Variants in FAM83B observed in about 807,000 individuals in gnomAD.
FAM83B encodes protein FAM83B.
A neutral mutation model predicts 38.8 loss-of-function variants in FAM83B; 26 were observed. The ratio of observed to expected loss-of-function variants is 0.67; its 90% CI spans 0.49 to 0.93. The LOEUF (loss-of-function observed/expected upper bound fraction) is 0.93, where lower values mean the gene tolerates loss of function less well. Among genes scored for constraint, FAM83B ranks in the 40% least tolerant of loss-of-function variants. The probability of loss-of-function intolerance (pLI) is 0.00; values close to 1 mark genes in which losing one functional copy is unlikely to be tolerated. For synonymous variants in FAM83B, 419 were observed against 423.1 expected, an observed-to-expected ratio of 0.99 and a Z score of 0.12; for missense variants, 1,237 against 1,197.3, an observed-to-expected ratio of 1.03 and a Z score of -0.49.
intron 2 of FAM83B, among the ~76,000 whole-genome samples, chr6:54,883,484 A>G (rs1292954570): frequency 6.6e-6 from 1 of 151,280 alleles, no homozygotes; most frequent in Non-Finnish European, 1.5e-5. Flanking sequence ...ACAGGCATGT[A>G]CCACCATGCC....
intron 4 of FAM83B, among the ~76,000 whole-genome samples, chr6:54,933,079 T>G (rs569198519): frequency 6.6e-6 from 1 of 152,212 alleles, no homozygotes; most frequent in African/African-American, 2.4e-5. Flanking sequence ...CTTCTCATAA[T>G]GCAATATTGA....
chr6:54,922,370 A>G (rs917410592), intron 2 of FAM83B, among the ~76,000 whole-genome samples: 12 of 152,050 alleles, frequency 7.9e-5, no homozygotes, highest in Non-Finnish European at 1.8e-4. Context: ...TGCACCAGAC[A>G]TATGTTTTTA....
At chr6:54,891,510 C>T (rs988913) in intron 2 of FAM83B, among the ~76,000 whole-genome samples, 58,786 of 152,002 alleles carry the variant, frequency 0.39, 12,372 homozygotes, top group East Asian at 0.86. Flanking sequence ...CTGCTTTCTA[C>T]CTTCATACTT....
At chr6:54,876,344 G>C (rs1332236631) in intron 2 of FAM83B, among the ~76,000 whole-genome samples, 7 of 122,214 alleles carry the variant, frequency 5.7e-5, no homozygotes. Flanking sequence ...TTTTTTTTGA[G>C]ACAGAGTTTT....
At chr6:54,925,199 C>A (rs1296842183) in intron 2 of FAM83B, among the ~76,000 whole-genome samples, 1 of 152,156 alleles carries the variant, frequency 6.6e-6, no homozygotes, top group East Asian at 1.9e-4. Context: ...CTCAGAGAGA[C>A]CTTCCCCGAA....
chr6:54,862,295 GCACAGTGGGTCA>G (rs1474802417), intron 1 of FAM83B, among the ~76,000 whole-genome samples: 1 of 152,204 alleles, frequency 6.6e-6, no homozygotes, highest in Non-Finnish European at 1.5e-5. Flanking sequence ...TCTGGGCTGA[GCACAGTGGGTCA>G]CAGGAGGAGG....
intron 1 of FAM83B, among the ~76,000 whole-genome samples, chr6:54,850,622 T>C (rs1771249294): frequency 6.6e-6 from 1 of 152,216 alleles, no homozygotes; most frequent in South Asian, 2.1e-4. Flanking sequence ...ATGTTTGGGC[T>C]GTCATTTATA....
intron 1 of FAM83B, among the ~76,000 whole-genome samples, chr6:54,863,875 G>A (rs1157565871): frequency 2.0e-5 from 3 of 152,090 alleles, no homozygotes; most frequent in Non-Finnish European, 2.9e-5. Context: ...TCATCCAAAT[G>A]ATTACTGATC....
intron 4 of FAM83B, among the ~76,000 whole-genome samples, chr6:54,930,021 T>C (rs1773386998): frequency 6.6e-6 from 1 of 152,132 alleles, no homozygotes; most frequent in Non-Finnish European, 1.5e-5. Flanking sequence ...GATTATGTTA[T>C]TCTTTTTTGA....
chr6:54,849,880 T>C (rs553988642), intron 1 of FAM83B, among the ~76,000 whole-genome samples: 1 of 152,136 alleles, frequency 6.6e-6, no homozygotes, highest in East Asian at 1.9e-4. Flanking sequence ...TAGAGTCAGG[T>C]GTAGTCTCCC....
intron 2 of FAM83B, among the ~76,000 whole-genome samples, chr6:54,917,789 A>T (rs949044085): frequency 1.3e-5 from 2 of 152,172 alleles, no homozygotes; most frequent in African/African-American, 4.8e-5. Context: ...AAGGTTTATT[A>T]CTTTTAATGC....
intron 1 of FAM83B, among the ~76,000 whole-genome samples, chr6:54,848,305 G>T (rs1771189984): frequency 6.6e-6 from 1 of 152,092 alleles, no homozygotes; most frequent in Non-Finnish European, 1.5e-5. Flanking sequence ...GGCACACGTG[G>T]GGTATACACC....
intron 2 of FAM83B, among the ~76,000 whole-genome samples, chr6:54,904,960 G>A (rs141515245): frequency 1.1e-4 from 17 of 152,158 alleles, no homozygotes; most frequent in Non-Finnish European, 2.4e-4. Flanking sequence ...GGAGATCAAC[G>A]ATCTGTAAAG....
At chr6:54,906,603 T>C (rs1223159611) in intron 2 of FAM83B, among the ~76,000 whole-genome samples, 1 of 152,130 alleles carries the variant, frequency 6.6e-6, no homozygotes, top group East Asian at 1.9e-4. Flanking sequence ...CAGGCTGGTC[T>C]TTCATTCCTG....
At chr6:54,883,486 C>T (rs1408436246) in intron 2 of FAM83B, among the ~76,000 whole-genome samples, 5 of 151,680 alleles carry the variant, frequency 3.3e-5, no homozygotes, top group African/African-American at 7.3e-5. Flanking sequence ...AGGCATGTAC[C>T]ACCATGCCTG....
intron 2 of FAM83B, among the ~76,000 whole-genome samples, chr6:54,880,284 G>A (rs1359402999): frequency 1.3e-5 from 2 of 152,030 alleles, no homozygotes; most frequent in Non-Finnish European, 2.9e-5. Flanking sequence ...TATGGGATCT[G>A]GATTTTTTTC....
intron 1 of FAM83B, among the ~76,000 whole-genome samples, chr6:54,850,342 C>A (rs1184347561): frequency 6.6e-6 from 1 of 152,130 alleles, no homozygotes; most frequent in Non-Finnish European, 1.5e-5. Flanking sequence ...CTGTGTCCCA[C>A]CCACACTGCT....
intron 1 of FAM83B, among the ~76,000 whole-genome samples, chr6:54,869,406 C>T (rs1771791100): frequency 6.6e-6 from 1 of 152,102 alleles, no homozygotes; most frequent in African/African-American, 2.4e-5. Flanking sequence ...CCATTCTTGG[C>T]TTTATCTTGT....
intron 2 of FAM83B, among the ~76,000 whole-genome samples, chr6:54,896,647 G>A (rs1414117432): frequency 6.6e-6 from 1 of 152,148 alleles, no homozygotes; most frequent in Non-Finnish European, 1.5e-5. Flanking sequence ...AAAGAATATG[G>A]CCACTGCCAC....
Sources: allele counts gnomAD v4.1 joint callset (sites outside exome capture counted in the v4.1 genomes callset), GRCh38; gene constraint gnomAD v4.1.1; transcripts MANE v1.5; gene names NCBI Gene and HGNC (gene_info 2026-07-23, HGNC 2026-07-21).